The following SMARCAD1 variants were observed in gnomAD, a reference collection of about 807,000 sequenced individuals.
The protein encoded by SMARCAD1 is SNF2 related chromatin remodeling ATPase with DExD box 1.
SMARCAD1 carries 25 observed loss-of-function variants against 127.1 expected under a neutral mutation model. That is an observed-to-expected ratio of 0.20 (90% CI 0.14 to 0.27). The LOEUF (loss-of-function observed/expected upper bound fraction) is 0.27, where lower values mean the gene tolerates loss of function less well. Among genes scored for constraint, SMARCAD1 ranks in the 10% least tolerant of loss-of-function variants. The pLI is 1.00. For missense variants in SMARCAD1, 807 were observed against 1,206.0 expected (o/e 0.67, Z 4.90); for synonymous variants, 400 against 396.9 (o/e 1.01, Z -0.09).
chr4:94,256,504 A>G (rs1334203294), intron 9 of SMARCAD1, among the ~76,000 whole-genome samples: 4 of 152,158 alleles, frequency 2.6e-5, no homozygotes, highest in Admixed American at 2.0e-4. Flanking sequence ...CTGGGATTAC[A>G]GGTGCCCGCC....
At position 94,258,540 on chromosome 4, in the gene SMARCAD1, T is replaced by A. The variant is rs150076406; in HGVS notation, c.1281+5533T>A. ...ATTTGGAAGTGGCCTTAGCATTTCA[T>A]TTTCCTGTCATCCTGGAGAATCCTT... On this transcript the variant is annotated intron_variant, in intron 9 of 23. Coordinates refer to ENST00000354268, the MANE Select transcript of SMARCAD1 (RefSeq NM_020159.5). 2.7e-3 allele frequency among the ~76,000 whole-genome samples: 417 copies of A among 152,324 alleles called. 4 individuals carry two copies. The highest frequency in any genetic ancestry group is 9.5e-3 in the African/African-American group (394 of 41,584).
At chr4:94,244,772 T>C (rs1748158246) in intron 6 of SMARCAD1, among the ~76,000 whole-genome samples, 1 of 149,626 alleles carries the variant, frequency 6.7e-6, no homozygotes, top group Non-Finnish European at 1.5e-5. Context: ...AAAAAAAAAC[T>C]TAACTTTAAA....
rs1353992058 is a variant in SMARCAD1, at chr4:94,276,872, T to A, written c.1945-150T>A. 3.5e-6 allele frequency: 3 copies of A among 853,860 alleles called. No homozygotes were observed. The Admixed American group carries it at 8.0e-5, about 23-fold the overall frequency. 52.9% of individuals were successfully genotyped at this position (853,860 alleles called of 1,614,324 possible). ...TTGATAATAGCGGACGTCAATTATT[T>A]AAATTACTATATCATTTATCACAGA... On this transcript the variant is annotated intron_variant, in intron 15 of 23. Transcript: ENST00000354268.
chr4:94,229,655 T>A (rs1009340510), intron 3 of SMARCAD1, among the ~76,000 whole-genome samples: 1 of 152,140 alleles, frequency 6.6e-6, no homozygotes, highest in Admixed American at 6.6e-5. Flanking sequence ...CTTGGAAATA[T>A]AGAAACTTCT....
chr4:94,262,454 C>T (rs1394731957), intron 9 of SMARCAD1, among the ~76,000 whole-genome samples: 1 of 152,176 alleles, frequency 6.6e-6, no homozygotes, highest in African/African-American at 2.4e-5. Context: ...AACTCAAAGC[C>T]TTCTTAATAG....
At chr4:94,253,366 T>C (rs1641591265) in intron 9 of SMARCAD1, 2 of 1,293,480 alleles carry the variant, frequency 1.5e-6, no homozygotes, top group Admixed American at 2.5e-5. Context: ...TGAGACACCA[T>C]GCAGAAAGCA....
intron 5 of SMARCAD1, among the ~76,000 whole-genome samples, chr4:94,237,258 C>G (rs1382480364): frequency 6.6e-6 from 1 of 152,028 alleles, no homozygotes; most frequent in Non-Finnish European, 1.5e-5. Flanking sequence ...TATATTTTCT[C>G]TCTTTTTAAA....
At chr4:94,238,703 T>C (rs1410362818) in intron 5 of SMARCAD1, among the ~76,000 whole-genome samples, 1 of 152,150 alleles carries the variant, frequency 6.6e-6, no homozygotes, top group African/African-American at 2.4e-5. Context: ...GCTTGGGAAG[T>C]TTTGTAGCTT....
At chr4:94,242,679 G>A (rs1747775508) in intron 6 of SMARCAD1, among the ~76,000 whole-genome samples, 1 of 151,580 alleles carries the variant, frequency 6.6e-6, no homozygotes, top group African/African-American at 2.4e-5. Context: ...TGAGGCAGGA[G>A]GATTGCTTGA....
At chr4:94,225,860 A>G (rs1744904842) in intron 2 of SMARCAD1, among the ~76,000 whole-genome samples, 1 of 152,200 alleles carries the variant, frequency 6.6e-6, no homozygotes, top group African/African-American at 2.4e-5. Flanking sequence ...TACAAGAGGA[A>G]AGTATTAGAA....
At chr4:94,275,804 T>TATTTTATTTTATTTTTTA (rs1579322024) in intron 14 of SMARCAD1, among the ~76,000 whole-genome samples, 2 of 145,374 alleles carry the variant, frequency 1.4e-5, no homozygotes, top group East Asian at 2.0e-4. Flanking sequence ...TTCTTTTTTT[T>TATTTTATTTTATTTTTTA]TTTTTTTTTT....
rs1392217385 is a variant in SMARCAD1 at position 94,270,779 on chromosome 4, A to T, written c.1533A>T (p.Val511=). 3 of 1,613,614 alleles carry T rather than the reference A, an allele frequency of 1.9e-6. No homozygotes were observed. The highest frequency in any genetic ancestry group is 8.5e-7 in the Non-Finnish European group (1 of 1,179,672). Residue 511 remains valine (V), a synonymous_variant, in exon 11 of 24, where the codon GTA becomes GTT. Transcript: ENST00000354268. ...TTGGTTTGAATTGGCTGGCATTGGTACATAAACATGGACTTAATGGCATTT... is the reference window on the plus strand; with the variant it reads ...TTGGTTTGAATTGGCTGGCATTGGTTCATAAACATGGACTTAATGGCATTT... ...QKVGLNWLAL[V]HKHGLNGILA...
intron 2 of SMARCAD1, chr4:94,213,079 G>A: frequency 2.3e-6 from 3 of 1,288,348 alleles, no homozygotes; most frequent in Non-Finnish European, 3.0e-6. Context: ...AGGGAAGAGA[G>A]ATCCTACTAT....
intron 10 of SMARCAD1, among the ~76,000 whole-genome samples, chr4:94,266,392 A>T (rs543181649): frequency 6.6e-6 from 1 of 152,222 alleles, no homozygotes; most frequent in African/African-American, 2.4e-5. Flanking sequence ...TAGACTGAGG[A>T]TTTTTTAAAT....
chr4:94,281,715 C>A, intron 21 of SMARCAD1, 125 bp downstream of exon 21: 1 of 707,458 alleles, frequency 1.4e-6, no homozygotes, highest in Non-Finnish European at 2.5e-6. Context: ...CAAATCATTA[C>A]CTTAAAATAA....
intron 2 of SMARCAD1, among the ~76,000 whole-genome samples, chr4:94,221,960 G>A (rs997762556): frequency 5.3e-5 from 8 of 152,326 alleles, no homozygotes; most frequent in East Asian, 1.9e-4. Context: ...CAAACTTTTA[G>A]GGGAGTCACT....
intron 9 of SMARCAD1, 183 bp downstream of exon 9, chr4:94,253,190 G>T (rs1749538126): frequency 1.3e-6 from 2 of 1,499,358 alleles, no homozygotes; most frequent in Non-Finnish European, 1.8e-6. Flanking sequence ...ACCTAATTTT[G>T]AATGAATTAA....
chr4:94,274,610 C>A, intron 12 of SMARCAD1, 128 bp from the exon 13 acceptor site: 1 of 911,374 alleles, frequency 1.1e-6, no homozygotes, highest in Non-Finnish European at 1.8e-6. Flanking sequence ...AGCCACCTTG[C>A]TGGGCCAGTA....
chr4:94,272,556 G>A lies in SMARCAD1; in HGVS notation c.1573-1061G>A, dbSNP rs76085021. On this transcript the variant is annotated intron_variant, in intron 11 of 23. Transcript: ENST00000354268. ...TACCACTATTCTTATACCTATCCTC[G>A]TGGATTTTTTTCTGGTTATGTAGTA... Among the ~76,000 whole-genome samples, 85 of 151,936 alleles carry A rather than the reference G, an allele frequency of 5.6e-4. No homozygotes were observed. The East Asian group carries it at 0.013, about 23-fold the overall frequency.
Sources: gnomAD v4.1 joint callset for allele counts (sites outside exome capture counted in the v4.1 genomes callset) on GRCh38, gnomAD v4.1.1 for gene constraint, MANE v1.5 for transcripts, NCBI Gene and HGNC (gene_info 2026-07-23, HGNC 2026-07-21) for gene names.